SNTG1: variants seen among roughly 807,000 people sequenced by gnomAD.
SNTG1 encodes syntrophin gamma 1, also known as gamma-1-syntrophin.
Under a neutral mutation model 74.7 loss-of-function variants are expected in SNTG1, and 39 were observed. The observed-to-expected ratio is 0.52, with a 90% CI of 0.40 to 0.68. SNTG1 has a LOEUF of 0.68. Among genes scored for constraint, SNTG1 ranks in the 30% least tolerant of loss-of-function variants. The probability of loss-of-function intolerance (pLI) is 0.00; values close to 1 mark genes in which losing one functional copy is unlikely to be tolerated. For synonymous variants in SNTG1, 254 were observed against 217.1 expected (o/e 1.17, Z -1.49); for missense variants, 685 against 609.5 (o/e 1.12, Z -1.30).
chr8:50,349,005 G>GTTA (rs2091565617), intron 2 of SNTG1, among the ~76,000 whole-genome samples: 1 of 152,122 alleles, frequency 6.6e-6, no homozygotes, highest in Non-Finnish European at 1.5e-5. Flanking sequence ...ACTGTTATAA[G>GTTA]TATGACGTGA....
At chr8:50,068,130 C>G (rs748028639) in intron 1 of SNTG1, among the ~76,000 whole-genome samples, 4 of 152,130 alleles carry the variant, frequency 2.6e-5, no homozygotes, top group African/African-American at 4.8e-5. Context: ...AGAACGCAAT[C>G]AGTTTTGGTC....
chr8:50,077,458 G>C (rs901341795), intron 1 of SNTG1, among the ~76,000 whole-genome samples: 1 of 152,160 alleles, frequency 6.6e-6, no homozygotes, highest in East Asian at 1.9e-4. Context: ...ATTCAAATCA[G>C]TTTAGTTTTC....
intron 15 of SNTG1, among the ~76,000 whole-genome samples, chr8:50,664,476 A>T (rs984238403): frequency 1.3e-5 from 2 of 152,174 alleles, no homozygotes; most frequent in African/African-American, 2.4e-5. Context: ...TCACTAAGAC[A>T]CTTATTGAGT....
At chr8:49,936,547 T>C (rs745393419) in intron 1 of SNTG1, among the ~76,000 whole-genome samples, 1 of 152,202 alleles carries the variant, frequency 6.6e-6, no homozygotes, top group Non-Finnish European at 1.5e-5. Context: ...AATGATTTCC[T>C]CCAGAAAATT....
At chr8:50,770,261 T>A (rs2095623850) in intron 18 of SNTG1, among the ~76,000 whole-genome samples, 1 of 152,032 alleles carries the variant, frequency 6.6e-6, no homozygotes, top group African/African-American at 2.4e-5. Context: ...GGAAAGGCAA[T>A]GAGAAAATAT....
At chr8:50,703,840 C>T (rs1279909822) in intron 15 of SNTG1, among the ~76,000 whole-genome samples, 2 of 152,106 alleles carry the variant, frequency 1.3e-5, no homozygotes, top group African/African-American at 2.4e-5. Context: ...ATAGGATCAC[C>T]GTCGCATATG....
rs180939439 is a variant in SNTG1, at chr8:50,785,010, T to A, written c.1396-7661T>A. ...TAAATTATTGGGAGATAAATAACAA[T>A]GAAATCTCATCATGCTAAAACATAT... On this transcript the variant is annotated intron_variant, in intron 18 of 18. Transcript: ENST00000642720. 3.7e-3 allele frequency among the ~76,000 whole-genome samples: 570 copies of A among 152,144 alleles called. 2 individuals are homozygous for A. Among genetic ancestry groups the A allele is most frequent in the Non-Finnish European group, 6.8e-3 (461 of 67,938 alleles).
rs535428153 is a variant in SNTG1 at position 49,927,723 on chromosome 8, T to G, written c.-103+15492T>G. On this transcript the variant is annotated intron_variant, in intron 1 of 18. Coordinates refer to ENST00000642720, the MANE Select transcript of SNTG1 (RefSeq NM_018967.5). ...GGCAGAGCATAGATTTTTATCACAG[T>G]AAAACTAAACTGTATGACACTATAA... 1.6e-4 allele frequency among the ~76,000 whole-genome samples: 25 copies of G among 152,188 alleles called. No individual in the cohort carries two copies. The South Asian group carries it at 5.2e-3, about 32-fold the overall frequency.
At chr8:50,445,098 A>G (rs1386868556) in intron 5 of SNTG1, among the ~76,000 whole-genome samples, 1 of 152,122 alleles carries the variant, frequency 6.6e-6, no homozygotes, top group South Asian at 2.1e-4. Flanking sequence ...CCATTTCCCT[A>G]TTTTAGACTT....
chr8:49,933,728 A>G (rs1170106863), intron 1 of SNTG1, among the ~76,000 whole-genome samples: 1 of 152,206 alleles, frequency 6.6e-6, no homozygotes, highest in Non-Finnish European at 1.5e-5. Context: ...TCATCCAAAT[A>G]TTACACAATT....
chr8:49,995,067 G>A (rs553189154), intron 1 of SNTG1, among the ~76,000 whole-genome samples: 23 of 152,200 alleles, frequency 1.5e-4, no homozygotes, highest in African/African-American at 5.5e-4. Flanking sequence ...TGTGAGAATC[G>A]AGAGATTGTG....
intron 9 of SNTG1, among the ~76,000 whole-genome samples, chr8:50,521,344 C>T (rs2094177917): frequency 6.6e-6 from 1 of 152,148 alleles, no homozygotes; most frequent in South Asian, 2.1e-4. Context: ...GTGCAGCAAA[C>T]CACCATGGCA....
At chr8:50,044,254 C>T (rs1218708376) in intron 1 of SNTG1, among the ~76,000 whole-genome samples, 1 of 152,110 alleles carries the variant, frequency 6.6e-6, no homozygotes, top group African/African-American at 2.4e-5. Flanking sequence ...TCTAAGTTGC[C>T]ATCACATTTT....
intron 13 of SNTG1, among the ~76,000 whole-genome samples, chr8:50,618,396 A>G (rs1242417924): frequency 6.6e-6 from 1 of 152,174 alleles, no homozygotes; most frequent in Non-Finnish European, 1.5e-5. Context: ...TACTATTCAC[A>G]TTATAATTCT....
chr8:50,518,714 G>T (rs1292406835), intron 9 of SNTG1, among the ~76,000 whole-genome samples: 1 of 152,084 alleles, frequency 6.6e-6, no homozygotes, highest in East Asian at 1.9e-4. Flanking sequence ...GAAGAAATGG[G>T]TAAATTCCTG....
intron 18 of SNTG1, among the ~76,000 whole-genome samples, chr8:50,791,141 A>C (rs1445644830): frequency 6.6e-6 from 1 of 151,930 alleles, no homozygotes; most frequent in Non-Finnish European, 1.5e-5. Context: ...TTGGGAAATA[A>C]ACTGGCTACA....
chr8:50,019,043 A>G (rs1816594977), intron 1 of SNTG1, among the ~76,000 whole-genome samples: 1 of 152,104 alleles, frequency 6.6e-6, no homozygotes, highest in African/African-American at 2.4e-5. Context: ...AGAAGTTGAC[A>G]AAGCTGGGTC....
At chr8:50,470,811 C>T (rs1379273609) in intron 8 of SNTG1, among the ~76,000 whole-genome samples, 1 of 152,096 alleles carries the variant, frequency 6.6e-6, no homozygotes, top group East Asian at 1.9e-4. Context: ...ACAAAGCTTC[C>T]ACAGAATAGA....
At chr8:50,690,024 A>G (rs2095370730) in intron 15 of SNTG1, among the ~76,000 whole-genome samples, 1 of 152,098 alleles carries the variant, frequency 6.6e-6, no homozygotes. Flanking sequence ...AGATTTTCTG[A>G]TTTATTTGCA....
Sources: allele counts gnomAD v4.1 joint callset (sites outside exome capture counted in the v4.1 genomes callset), GRCh38; gene constraint gnomAD v4.1.1; transcripts MANE v1.5; gene names NCBI Gene and HGNC (gene_info 2026-07-23, HGNC 2026-07-21).